DYM: variants seen among roughly 807,000 people sequenced by gnomAD.
DYM encodes dyggve-Melchior-Clausen syndrome protein.
In DYM, 78 loss-of-function variants were observed where a neutral mutation model predicts 93.1. The ratio of observed to expected loss-of-function variants is 0.84; its 90% CI spans 0.70 to 1.01. The LOEUF (loss-of-function observed/expected upper bound fraction) is 1.01. Ranked by LOEUF, DYM falls within the 50% of genes least tolerant of loss-of-function variation. DYM has a pLI of 0.00. For synonymous variants in DYM, 321 were observed against 319.7 expected, an observed-to-expected ratio of 1.00 and a Z score of -0.04; for missense variants, 789 against 845.0, an observed-to-expected ratio of 0.93 and a Z score of 0.82.
At chr18:49,331,600 A>G (rs1048902822) in intron 8 of DYM, among the ~76,000 whole-genome samples, 7 of 152,254 alleles carry the variant, frequency 4.6e-5, no homozygotes, top group Non-Finnish European at 7.3e-5. Flanking sequence ...GCTACAATTC[A>G]TGCAATACGC....
chr18:49,379,724 T>G lies in DYM; in HGVS notation c.228A>C (p.Ala76=). 6.2e-7 allele frequency: 1 copy of G among 1,613,396 alleles called. No individual in the cohort carries two copies. The highest frequency in any genetic ancestry group is 8.5e-7 in the Non-Finnish European group (1 of 1,179,532). ...ENNPRTGNLG[A]LIKVFLSRTK... The stretch of plus-strand genomic sequence containing the variant: ...TTCTAGAAAGGAAGACCTTAATTAG[T>G]GCACCAAGATTTCCTGTTCGAGGAT... Residue 76 remains alanine, a synonymous_variant, in exon 4 of 18, where the codon GCA becomes GCC. Transcript: ENST00000675505.
intron 14 of DYM, among the ~76,000 whole-genome samples, chr18:49,168,172 T>C (rs553157458): frequency 1.3e-3 from 193 of 152,276 alleles, no homozygotes; most frequent in African/African-American, 4.4e-3. Flanking sequence ...CACTGTTCTC[T>C]GAGGAAGGAG....
At chr18:49,407,896 G>A (rs1287570006) in intron 2 of DYM, among the ~76,000 whole-genome samples, 1 of 151,988 alleles carries the variant, frequency 6.6e-6, no homozygotes, top group African/African-American at 2.4e-5. Flanking sequence ...GTACATTTTT[G>A]CAACCTCTAA....
chr18:49,131,340 GT>G (rs143494433), intron 15 of DYM, among the ~76,000 whole-genome samples: 4 of 151,804 alleles, frequency 2.6e-5, no homozygotes, highest in Non-Finnish European at 2.9e-5. Context: ...CCTCTTCTTT[GT>G]TTTTTGAGGC....
chr18:49,110,004 G>A (rs2081245920), intron 16 of DYM, among the ~76,000 whole-genome samples: 1 of 152,072 alleles, frequency 6.6e-6, no homozygotes, highest in Non-Finnish European at 1.5e-5. Flanking sequence ...CTTTATTTTA[G>A]ACAAAATGGG....
At chr18:49,116,284 AT>A (rs2081915876) in intron 16 of DYM, 1 of 152,194 alleles carries the variant, frequency 6.6e-6, no homozygotes, top group Non-Finnish European at 1.5e-5. Context: ...CCTCCATTAG[AT>A]TTCTAGAGAA....
chr18:49,085,108 A>G (rs1793078767), intron 17 of DYM, among the ~76,000 whole-genome samples: 1 of 152,212 alleles, frequency 6.6e-6, no homozygotes, highest in Admixed American at 6.5e-5. Context: ...TTAGTAGATG[A>G]GACCTTGACT....
At chr18:49,235,049 A>T (rs543575572) in intron 13 of DYM, among the ~76,000 whole-genome samples, 1 of 152,312 alleles carries the variant, frequency 6.6e-6, no homozygotes, top group South Asian at 2.1e-4. Context: ...GAGCCTCCCA[A>T]TATGAACCCA....
rs1356761967 is a variant in DYM, at chr18:49,445,385, C to T, written c.-53-14938G>A. The stretch of plus-strand genomic sequence containing the variant: ...GGTACAGAAACCATTCTCTTTTAAC[C>T]GTTTCATATTGCTTCATGAAGCAAG... On this transcript the variant is annotated intron_variant, in intron 1 of 17. Transcript: ENST00000675505. 4.6e-5 allele frequency among the ~76,000 whole-genome samples: 7 copies of T among 151,918 alleles called. No homozygotes were observed. The East Asian group carries it at 1.2e-3, about 25-fold the overall frequency.
At chr18:49,399,938 T>A (rs199507409) in intron 2 of DYM, among the ~76,000 whole-genome samples, 11 of 103,690 alleles carry the variant, frequency 1.1e-4, no homozygotes, top group African/African-American at 4.1e-4. Flanking sequence ...ATTTTTCTTT[T>A]TTTTTTTTTT....
At position 49,419,515 on chromosome 18, in the gene DYM, T is replaced by G. The variant is rs143450798; in HGVS notation, c.140+10740A>C. On this transcript the variant is annotated intron_variant, in intron 2 of 17. Coordinates refer to ENST00000675505, the MANE Select transcript of DYM (RefSeq NM_001353214.3). Reference sequence around the variant, plus strand: ...ATTCCCGTCACTATTTTTTAAGAAGTTCATCTTTTTCCCCACTGAAATGCC... The same window carrying G: ...ATTCCCGTCACTATTTTTTAAGAAGGTCATCTTTTTCCCCACTGAAATGCC... Among the ~76,000 whole-genome samples the G allele has an allele frequency of 1.1e-4, 17 of 152,308 alleles. No individual in the cohort carries two copies. In the East Asian group the frequency reaches 3.3e-3, roughly 29 times the overall value.
At chr18:49,161,753 ACG>A (rs1419879074) in intron 15 of DYM, among the ~76,000 whole-genome samples, 1 of 152,222 alleles carries the variant, frequency 6.6e-6, no homozygotes, top group Non-Finnish European at 1.5e-5. Context: ...CCACACACAC[ACG>A]AGAAAAAACT....
chr18:49,057,254 A>G (rs1266730835), intron 17 of DYM, among the ~76,000 whole-genome samples: 1 of 152,242 alleles, frequency 6.6e-6, no homozygotes, highest in Non-Finnish European at 1.5e-5. Flanking sequence ...ATAGAGGGAA[A>G]GTACATTCAG....
intron 17 of DYM, among the ~76,000 whole-genome samples, chr18:49,064,679 C>A (rs895137312): frequency 1.6e-4 from 24 of 152,146 alleles, no homozygotes; most frequent in African/African-American, 5.8e-4. Flanking sequence ...CATTTGAAAT[C>A]TCCAGCAAGA....
Position 49,286,618 on chromosome 18 carries a change from T to C in DYM, c.764-2A>G, listed in dbSNP as rs1409913754. ...GTGTGAAGACAGTCCAGAGTCCTGC[T>C]GGGGAGGAAAACACCCTGTTAGGAT... On this transcript the variant is annotated splice_acceptor_variant, in intron 8 of 17. Coordinates refer to ENST00000675505, the MANE Select transcript of DYM (RefSeq NM_001353214.3). LOFTEE classifies it high-confidence loss of function. 5 of 1,613,644 alleles carry C rather than the reference T, an allele frequency of 3.1e-6. No individual in the cohort carries two copies. The highest frequency in any genetic ancestry group is 1.7e-5 in the Admixed American group (1 of 59,990).
At chr18:49,359,362 C>A (rs991363706) in intron 6 of DYM, among the ~76,000 whole-genome samples, 1 of 152,030 alleles carries the variant, frequency 6.6e-6, no homozygotes, top group Non-Finnish European at 1.5e-5. Flanking sequence ...AGGAAGGACT[C>A]CTGAAAGATG....
At chr18:49,415,398 C>G (rs970798536) in intron 2 of DYM, among the ~76,000 whole-genome samples, 3 of 144,672 alleles carry the variant, frequency 2.1e-5, no homozygotes, top group African/African-American at 7.6e-5. Flanking sequence ...ATAATGTTAA[C>G]AAGTTACTCT....
intron 14 of DYM, among the ~76,000 whole-genome samples, chr18:49,189,591 CAA>C (rs2090776725): frequency 6.6e-6 from 1 of 152,082 alleles, no homozygotes; most frequent in Non-Finnish European, 1.5e-5. Flanking sequence ...CCAAATAACC[CAA>C]AAGTCACAGG....
In DYM at chr18:49,080,861, C is replaced by T. The variant is rs1255240555; in HGVS notation, c.2025+16541G>A. Reference sequence around the variant, plus strand: ...GCAGAGACGCTCCTCACCTCCCAGACGGGGTGGCGGCCGGGCAGAGGCGCT... The same window carrying T: ...GCAGAGACGCTCCTCACCTCCCAGATGGGGTGGCGGCCGGGCAGAGGCGCT... On this transcript the variant is annotated intron_variant, in intron 17 of 17. Transcript: ENST00000675505. Among the ~76,000 whole-genome samples, 10 of 150,506 alleles carry T rather than the reference C, an allele frequency of 6.6e-5. No individual in the cohort carries two copies. The East Asian group carries it at 8.0e-4, about 12-fold the overall frequency.
Sources: allele counts gnomAD v4.1 joint callset (sites outside exome capture counted in the v4.1 genomes callset), GRCh38; gene constraint gnomAD v4.1.1; transcripts MANE v1.5; gene names NCBI Gene and HGNC (gene_info 2026-07-23, HGNC 2026-07-21).